ARL6IP4: variants seen among roughly 807,000 people sequenced by gnomAD.
ARL6IP4 encodes ADP-ribosylation factor-like protein 6-interacting protein 4.
In ARL6IP4, 24 loss-of-function variants were observed where a neutral mutation model predicts 28.1. That is an observed-to-expected ratio of 0.86 (90% CI 0.62 to 1.20). The LOEUF (loss-of-function observed/expected upper bound fraction) is 1.20. Ranked by LOEUF, ARL6IP4 falls within the 50% of genes most tolerant of loss-of-function variation. The pLI is 0.00. For missense variants in ARL6IP4, 343 were observed against 302.4 expected (o/e 1.13, Z -1.00); for synonymous variants, 162 against 122.3 (o/e 1.32, Z -2.14).
At chr12:122,980,666 G>A (rs1263945072), upstream of ARL6IP4, 1 of 1,363,912 alleles carries the variant, frequency 7.3e-7, no homozygotes, top group East Asian at 3.1e-5. Flanking sequence ...CCCGCGCAGC[G>A]CCCCGGCCGG....
At chr12:122,980,546 T>C, upstream of ARL6IP4, 3 of 1,353,428 alleles carry the variant, frequency 2.2e-6, no homozygotes, top group Non-Finnish European at 2.8e-6. Context: ...GCTGCGGAGC[T>C]CGAGGGCCGG....
At chr12:122,982,343 G>A (rs954302096) in intron 4 of ARL6IP4, 126 bp from the exon 5 acceptor site, 28 of 985,404 alleles carry the variant, frequency 2.8e-5, no homozygotes, top group Non-Finnish European at 4.1e-5. Flanking sequence ...GAGGCCCCAG[G>A]GTCTGTCCAC....
In ARL6IP4 at chr12:122,981,227, A is replaced by G. The variant is rs2037633604; in HGVS notation, c.88A>G (p.Lys30Glu). The G allele has an allele frequency of 6.5e-7, 1 of 1,550,174 alleles. No homozygotes were observed. Among genetic ancestry groups the G allele is most frequent in the Non-Finnish European group, 8.7e-7 (1 of 1,146,734 alleles). The change falls in exon 2 of 6, where the codon AAA becomes GAA. Residue 30 changes from lysine to glutamate, a missense_variant. By Grantham distance (56) the Lys-to-Glu change is moderately conservative (BLOSUM62 1). Coordinates refer to ENST00000315580, the MANE Select transcript of ARL6IP4 (RefSeq NM_018694.4). ...GSEKRKKKSRKDTSRNCSAST... is the reference protein window; with the variant it reads ...GSEKRKKKSREDTSRNCSAST... ...GGAAAAGAGAAAGAAGAAGAGCAGG[A>G]AAGACACCTCGAGGAACTGCTCGGC...
chr12:122,981,499 G>A, intron 2 of ARL6IP4, 72 bp from the exon 3 acceptor site: 1 of 1,439,030 alleles, frequency 6.9e-7, no homozygotes, highest in Non-Finnish European at 9.2e-7. Flanking sequence ...CGCTCACCCT[G>A]TAGCCGGTCT....
At chr12:122,980,334 CTGGG>C (rs1594103858), upstream of ARL6IP4, 36 of 1,304,452 alleles carry the variant, frequency 2.8e-5, no homozygotes, top group Non-Finnish European at 3.2e-5. Context: ...CTCTGAGTCA[CTGGG>C]TGGGCGCGTC....
At chr12:122,982,322 G>T in intron 4 of ARL6IP4, 147 bp from the exon 5 acceptor site, 1 of 879,136 alleles carries the variant, frequency 1.1e-6, no homozygotes, top group Non-Finnish European at 1.8e-6. Context: ...CCTTCATCAG[G>T]GAGAGTGGGT....
At chr12:122,981,345 G>A (rs554449463) in intron 2 of ARL6IP4, 46 bp downstream of exon 2, 16 of 1,515,574 alleles carry the variant, frequency 1.1e-5, no homozygotes, top group South Asian at 7.5e-5. Context: ...TTACTACCCG[G>A]GGAAGTCGGG....
In ARL6IP4 at chr12:122,980,765, G is replaced by T; in HGVS notation, c.-12+20G>T. On this transcript the variant is annotated intron_variant, in intron 1 of 5. Coordinates refer to ENST00000315580, the MANE Select transcript of ARL6IP4 (RefSeq NM_018694.4). ...GTCGAGGTGGGAACGGAGCAGCCCC[G>T]GGGGCCCCCTTGAGGCGGCGAGGCC... 1 of 1,306,452 alleles carries T rather than the reference G, an allele frequency of 7.7e-7. No individual in the cohort carries two copies. 80.9% of individuals were successfully genotyped at this position (1,306,452 alleles called of 1,614,324 possible).
chr12:122,981,876 C>G lies in ARL6IP4; in HGVS notation c.466C>G (p.Pro156Ala). The change falls in exon 3 of 6, where the codon CCA becomes GCA. Residue 156 changes from proline (P) to alanine (A), a missense_variant. By Grantham distance (27) the Pro-to-Ala change is conservative. Coordinates refer to ENST00000315580, the MANE Select transcript of ARL6IP4 (RefSeq NM_018694.4). The part of the protein sequence containing the change: ...HRSAGEEEDG[P>A]VLTDEQKSRI... Reference sequence around the variant, plus strand: ...ATCAGCTGGGGAGGAAGAGGATGGCCCAGGTACTGTGCTGCCCAGCACCTG... The same window carrying G: ...ATCAGCTGGGGAGGAAGAGGATGGCGCAGGTACTGTGCTGCCCAGCACCTG... 6.2e-7 allele frequency: 1 copy of G among 1,612,328 alleles called. No individual in the cohort carries two copies. Among genetic ancestry groups the G allele is most frequent in the Non-Finnish European group, 8.5e-7 (1 of 1,179,128 alleles).
chr12:122,981,932 C>A, intron 3 of ARL6IP4, 25 bp from the exon 4 acceptor site: 1 of 1,613,634 alleles, frequency 6.2e-7, no homozygotes, highest in Non-Finnish European at 8.5e-7. Context: ...CAAGGCCTGG[C>A]CACCACCTCC....
chr12:122,981,850 G>C lies in ARL6IP4; in HGVS notation c.440G>C (p.Arg147Pro), dbSNP rs376219555. 7 of 1,610,592 alleles carry C rather than the reference G, an allele frequency of 4.3e-6. No homozygotes were observed. Among genetic ancestry groups the C allele is most frequent in the African/African-American group, 2.7e-5 (2 of 74,974 alleles). Residue 147 changes from arginine to proline, a missense_variant, in exon 3 of 6, where the codon CGA becomes CCA. Physicochemically the swap from Arg to Pro is moderately radical, Grantham distance 103. Coordinates refer to ENST00000315580, the MANE Select transcript of ARL6IP4 (RefSeq NM_018694.4). ...GGCCCCTCGCTGGACCAGTGGCACC[G>C]ATCAGCTGGGGAGGAAGAGGATGGC... ...LPGPSLDQWH[R>P]SAGEEEDGPV... is the part of the protein sequence containing the mutation.
In ARL6IP4 at chr12:122,981,132, G is replaced by C. The variant is rs1380263686; in HGVS notation, c.-8G>C. The C allele has an allele frequency of 7.8e-6, 12 of 1,547,572 alleles. No individual in the cohort carries two copies. The highest frequency in any genetic ancestry group is 1.0e-5 in the Non-Finnish European group (12 of 1,145,848). The stretch of plus-strand genomic sequence containing the variant: ...AGCGCGTCTTCTTCGTCGCCAGCCC[G>C]CGGCGCCATGGCTCACGTCGGCTCC... On this transcript the variant is annotated 5_prime_UTR_variant, in exon 2 of 6. Transcript: ENST00000315580.
At chr12:122,980,525 A>G, upstream of ARL6IP4, 1 of 1,364,938 alleles carries the variant, frequency 7.3e-7, no homozygotes, top group Non-Finnish European at 9.4e-7. Flanking sequence ...CGGCAGACAC[A>G]GGCGTGAGGG....
chr12:122,980,562 C>T, upstream of ARL6IP4: 8 of 1,362,580 alleles, frequency 5.9e-6, 1 homozygote, highest in Non-Finnish European at 7.6e-6. Context: ...GCCGGCGCCC[C>T]TGCTTGCCTC....
At position 122,981,479 on chromosome 12, in the gene ARL6IP4, C is replaced by T. The variant is rs1401646537; in HGVS notation, c.161-92C>T. On this transcript the variant is annotated intron_variant, in intron 2 of 5. Transcript: ENST00000315580. Reference sequence around the variant, plus strand: ...AGCTCCATCTCTGTTCTGGAAAGCCCCTCAGGAAGCGCTCACCCTGTAGCC... The same window carrying T: ...AGCTCCATCTCTGTTCTGGAAAGCCTCTCAGGAAGCGCTCACCCTGTAGCC... The T allele has an allele frequency of 7.8e-6, 11 of 1,406,756 alleles. No individual in the cohort carries two copies. In the East Asian group the frequency reaches 1.5e-4, roughly 19 times the overall value. The allele number at this position is 1,406,756 out of a possible 1,614,324, so 87.1% of individuals were successfully genotyped here.
rs202164580 is a variant in ARL6IP4 at position 122,982,596 on chromosome 12, C to T, written c.658-24C>T. ...CCAGCTCTGTTTGTGATGTACCCCTCCTCCTGTGTGCTTTCTTCCCCAGCA... is the reference window on the plus strand; with the variant it reads ...CCAGCTCTGTTTGTGATGTACCCCTTCTCCTGTGTGCTTTCTTCCCCAGCA... On this transcript the variant is annotated intron_variant, in intron 5 of 5. Coordinates refer to ENST00000315580, the MANE Select transcript of ARL6IP4 (RefSeq NM_018694.4). 5.6e-6 allele frequency: 9 copies of T among 1,614,206 alleles called. No individual in the cohort carries two copies. The Admixed American group carries it at 1.3e-4, about 24-fold the overall frequency.
Position 122,981,474 on chromosome 12 carries a change from A to G in ARL6IP4, c.161-97A>G. 5 of 1,399,938 alleles carry G rather than the reference A, an allele frequency of 3.6e-6. 1 individual carries two copies. The South Asian group carries it at 7.5e-5, about 21-fold the overall frequency. The allele number at this position is 1,399,938 out of a possible 1,614,324, so 86.7% of individuals were successfully genotyped here. ...TGGGAAGCTCCATCTCTGTTCTGGA[A>G]AGCCCCTCAGGAAGCGCTCACCCTG... is the stretch of plus-strand genomic sequence containing the variant. On this transcript the variant is annotated intron_variant, in intron 2 of 5. Transcript: ENST00000315580.
In ARL6IP4 at chr12:122,981,941, C is replaced by G. The variant is rs1457932023; in HGVS notation, c.470-16C>G. The stretch of plus-strand genomic sequence containing the variant: ...GCTTCCCAAGGCCTGGCCACCACCT[C>G]CGTCTTCCCTTCCAGTCCTGACGGA... On this transcript the variant is annotated splice_polypyrimidine_tract_variant and intron_variant, in intron 3 of 5. Coordinates refer to ENST00000315580, the MANE Select transcript of ARL6IP4 (RefSeq NM_018694.4). 1.2e-6 allele frequency: 2 copies of G among 1,613,708 alleles called. No individual in the cohort carries two copies. The highest frequency in any genetic ancestry group is 1.7e-5 in the Admixed American group (1 of 60,024).
At chr12:122,982,222 G>T in intron 4 of ARL6IP4, 148 bp downstream of exon 4, 3 of 960,302 alleles carry the variant, frequency 3.1e-6, no homozygotes, top group Non-Finnish European at 4.8e-6. Context: ...GGAGTAAGTA[G>T]TTGCAGGGGC....
Sources: gnomAD v4.1 joint callset for allele counts on GRCh38, gnomAD v4.1.1 for gene constraint, MANE v1.5 for transcripts, NCBI Gene and HGNC (gene_info 2026-07-23, HGNC 2026-07-21) for gene names.